The following KCTD20 variants were observed in gnomAD, a reference collection of about 807,000 sequenced individuals.
KCTD20 encodes the protein BTB/POZ domain-containing protein KCTD20.
In KCTD20, 30 loss-of-function variants were observed where a neutral mutation model predicts 39.6. The observed-to-expected ratio is 0.76, with a 90% CI of 0.57 to 1.03. The LOEUF (loss-of-function observed/expected upper bound fraction) is 1.03, where lower values mean the gene tolerates loss of function less well. KCTD20 is among the 50% of genes least tolerant of loss of function. KCTD20 has a pLI of 0.00. For synonymous variants in KCTD20, 162 were observed against 180.6 expected (o/e 0.90, Z 0.83); for missense variants, 422 against 522.0 (o/e 0.81, Z 1.87).
At chr6:36,479,560 C>T in intron 4 of KCTD20, 31 bp from the exon 5 acceptor site, 1 of 1,587,020 alleles carries the variant, frequency 6.3e-7, no homozygotes, top group Non-Finnish European at 8.6e-7. Flanking sequence ...TTGTTCTCTG[C>T]CTACATTTTT....
chr6:36,470,092 C>G lies in KCTD20; in HGVS notation c.-6C>G, dbSNP rs1298313832. On this transcript the variant is annotated 5_prime_UTR_variant, in exon 2 of 8. The change creates a new upstream start codon in the 5' untranslated region. Coordinates refer to ENST00000373731, the MANE Select transcript of KCTD20 (RefSeq NM_173562.5). ...AAACGGACAGTTCAGGACTCAGAAT[C>G]TAAGGATGAATGTTCACCGTGGCAG... The G allele has an allele frequency of 1.2e-6, 2 of 1,610,676 alleles. No individual in the cohort carries two copies. Among genetic ancestry groups the G allele is most frequent in the African/African-American group, 2.7e-5 (2 of 74,860 alleles).
At position 36,469,517 on chromosome 6, in the gene KCTD20, A is replaced by G. The variant is rs1775851459; in HGVS notation, c.-46-535A>G. Among the ~76,000 whole-genome samples, 1 of 90,548 alleles carries G rather than the reference A, an allele frequency of 1.1e-5. No homozygotes were observed. The highest frequency in any genetic ancestry group is 2.2e-5 in the Non-Finnish European group (1 of 44,574). The allele number at this position is 90,548 out of a possible 152,430, so 59.4% of individuals were successfully genotyped here. ...GAGCATAAGGTATACAAAGTGAAAG[A>G]GAGAAAAGGGGAGATAAAAAGGAGA... On this transcript the variant is annotated intron_variant, in intron 1 of 7. Coordinates refer to ENST00000373731, the MANE Select transcript of KCTD20 (RefSeq NM_173562.5). The surrounding 1 kb of genome is among the most constrained non-coding windows in gnomAD (Gnocchi z 4.6).
intron 2 of KCTD20, among the ~76,000 whole-genome samples, chr6:36,473,204 G>C (rs1273986808): frequency 6.6e-6 from 1 of 152,036 alleles, no homozygotes; most frequent in East Asian, 2.0e-4. Flanking sequence ...GGGACTACAG[G>C]CACCCGCCAC....
rs186405526 is a variant in KCTD20 at position 36,479,722 on chromosome 6, G to T, written c.658+11G>T. Reference sequence around the variant, plus strand: ...GATGTCAAGATCTGAGTAAGTACAGGAGCAGGTGCCAGCTGCACTTAAGCA... The same window carrying T: ...GATGTCAAGATCTGAGTAAGTACAGTAGCAGGTGCCAGCTGCACTTAAGCA... On this transcript the variant is annotated intron_variant, in intron 5 of 7. Coordinates refer to ENST00000373731, the MANE Select transcript of KCTD20 (RefSeq NM_173562.5). 4 of 1,592,870 alleles carry T rather than the reference G, an allele frequency of 2.5e-6. No homozygotes were observed.
intron 7 of KCTD20, among the ~76,000 whole-genome samples, chr6:36,485,462 T>C (rs905333111): frequency 4.6e-5 from 7 of 151,506 alleles, no homozygotes; most frequent in African/African-American, 1.2e-4. Context: ...GCTAAAGTCA[T>C]TTGGTCTCTC....
At chr6:36,461,349 A>G (rs916719365) in intron 1 of KCTD20, among the ~76,000 whole-genome samples, 3 of 152,190 alleles carry the variant, frequency 2.0e-5, no homozygotes, top group Non-Finnish European at 4.4e-5. Context: ...AGGCATTTGA[A>G]GTGCTAACAC....
At chr6:36,470,012 GT>G in intron 1 of KCTD20, 39 bp from the exon 2 acceptor site, 1 of 1,226,540 alleles carries the variant, frequency 8.2e-7, no homozygotes, top group Non-Finnish European at 1.1e-6. Context: ...TTAGAAATCT[GT>G]TTTGTGAGTT....
chr6:36,470,373 C>A, intron 2 of KCTD20, 116 bp downstream of exon 2: 2 of 979,340 alleles, frequency 2.0e-6, no homozygotes, highest in Non-Finnish European at 3.0e-6. Context: ...AATTGCTTAG[C>A]TTGCATGTCA....
At chr6:36,475,996 C>A (rs1194042295) in intron 3 of KCTD20, among the ~76,000 whole-genome samples, 1 of 152,152 alleles carries the variant, frequency 6.6e-6, no homozygotes, top group Admixed American at 6.5e-5. Flanking sequence ...ATGGTCCATT[C>A]TCTGTGCTGC....
At chr6:36,476,447 T>A (rs368236372) in intron 3 of KCTD20, among the ~76,000 whole-genome samples, 1 of 135,088 alleles carries the variant, frequency 7.4e-6, no homozygotes, top group Admixed American at 7.8e-5. Context: ...TTTTTTTTTT[T>A]AAGACAGAGT....
chr6:36,485,553 G>A (rs1776392721), intron 7 of KCTD20, among the ~76,000 whole-genome samples: 1 of 147,724 alleles, frequency 6.8e-6, no homozygotes, highest in Non-Finnish European at 1.5e-5. Flanking sequence ...GAGTGCGGTG[G>A]CACGATCTCA....
rs372900891 is a variant in KCTD20 at position 36,471,534 on chromosome 6, A to T, written c.160+1277A>T. Among the ~76,000 whole-genome samples the T allele has an allele frequency of 2.5e-4, 38 of 152,296 alleles. 1 individual carries two copies. The South Asian group carries it at 7.7e-3, about 31-fold the overall frequency. ...CTCCAGATTAGTCCTTACAACTATT[A>T]TCCTTGTTTTACAGATGAGGAAACT... is the stretch of plus-strand genomic sequence containing the variant. On this transcript the variant is annotated intron_variant, in intron 2 of 7. Coordinates refer to ENST00000373731, the MANE Select transcript of KCTD20 (RefSeq NM_173562.5).
At chr6:36,470,302 C>T (rs1216859664) in intron 2 of KCTD20, 45 bp downstream of exon 2, 1 of 1,529,470 alleles carries the variant, frequency 6.5e-7, no homozygotes, top group South Asian at 1.2e-5. Flanking sequence ...CTTTCCAATA[C>T]TAGAGCATCT....
At chr6:36,444,108 TGCAGTACCCTA>T (rs916427206) in intron 1 of KCTD20, among the ~76,000 whole-genome samples, 4 of 152,218 alleles carry the variant, frequency 2.6e-5, no homozygotes, top group African/African-American at 9.6e-5. Flanking sequence ...GTAATAAGGT[TGCAGTACCCTA>T]GCACCTCTTC....
chr6:36,486,845 A>G (rs770607782), intron 7 of KCTD20, 38 bp from the exon 8 acceptor site: 6 of 1,550,746 alleles, frequency 3.9e-6, no homozygotes, highest in South Asian at 2.3e-5. Flanking sequence ...GAGTGAGCAC[A>G]ATTTGTTAGT....
In KCTD20 at chr6:36,484,792, G is replaced by A. The variant is rs763887847; in HGVS notation, c.935G>A (p.Arg312Gln). ...RDVAKTVLKERGLKNIRIGIE... is the reference protein window; with the variant it reads ...RDVAKTVLKEQGLKNIRIGIE... ...GTTGCAAAAACAGTGTTAAAGGAACGGGGCCTAAAAAACATTCGCATTGGA... is the reference window on the plus strand; with the variant it reads ...GTTGCAAAAACAGTGTTAAAGGAACAGGGCCTAAAAAACATTCGCATTGGA... The change falls in exon 7 of 8, where the codon CGG becomes CAG. Residue 312 changes from arginine (R) to glutamine (Q), a missense_variant. By Grantham distance (43) the Arg-to-Gln change is conservative. Transcript: ENST00000373731. 1.2e-5 allele frequency: 19 copies of A among 1,603,350 alleles called. No individual in the cohort carries two copies. The African/African-American group carries it at 1.5e-4, about 13-fold the overall frequency.
intron 3 of KCTD20, among the ~76,000 whole-genome samples, chr6:36,475,315 G>A (rs965704824): frequency 6.6e-5 from 10 of 151,848 alleles, no homozygotes; most frequent in Admixed American, 1.3e-4. Context: ...GTGTGGTGGC[G>A]GGCACCTATA....
intron 6 of KCTD20, 72 bp downstream of exon 6, chr6:36,481,831 G>C (rs1776260609): frequency 8.0e-7 from 1 of 1,255,800 alleles, no homozygotes; most frequent in Non-Finnish European, 1.1e-6. Context: ...CTTGATCCTA[G>C]AACCAATGTG....
chr6:36,486,893 C>T lies in KCTD20; in HGVS notation c.978C>T (p.Thr326=), dbSNP rs766556190. Residue 326 remains threonine (T), a synonymous_variant, in exon 8 of 8, where the codon ACC becomes ACT. Transcript: ENST00000373731. The stretch of plus-strand genomic sequence containing the variant: ...CTTTTTCCATTGCAGGTTACCCTAC[C>T]TGTAAAGAAAAAATTAAGAGAAGGC... ...NIRIGIEGYP[T]CKEKIKRRPG... 2 of 1,612,328 alleles carry T rather than the reference C, an allele frequency of 1.2e-6. No individual in the cohort carries two copies. The highest frequency in any genetic ancestry group is 1.3e-5 in the African/African-American group (1 of 74,716).
Sources: gnomAD v4.1 joint callset for allele counts (sites outside exome capture counted in the v4.1 genomes callset) on GRCh38, gnomAD v4.1.1 for gene constraint, Gnocchi (gnomAD v3.1) non-coding constraint, MANE v1.5 for transcripts, NCBI Gene and HGNC (gene_info 2026-07-23, HGNC 2026-07-21) for gene names.